Variants in GOLGA3 observed in about 807,000 individuals in gnomAD.
The protein encoded by GOLGA3 is golgin subfamily A member 3.
A neutral mutation model predicts 169.4 loss-of-function variants in GOLGA3; 75 were observed. The ratio of observed to expected loss-of-function variants is 0.44; its 90% CI spans 0.37 to 0.54. The LOEUF is 0.54. Among genes scored for constraint, GOLGA3 ranks in the 20% least tolerant of loss-of-function variants. The pLI, the probability that GOLGA3 is intolerant of heterozygous loss-of-function variation, is 0.00. For missense variants in GOLGA3, 1,899 were observed against 1,930.0 expected (o/e 0.98, Z 0.30); for synonymous variants, 824 against 822.4 (o/e 1.00, Z -0.03).
intron 4 of GOLGA3, among the ~76,000 whole-genome samples, chr12:132,809,071 C>G (rs140553965): frequency 0.013 from 1,913 of 152,308 alleles, 44 homozygotes; most frequent in African/African-American, 0.042. Flanking sequence ...TGAGTCACCT[C>G]CAATGATAGG....
chr12:132,798,853 GAC>G (rs1469539014), intron 8 of GOLGA3, among the ~76,000 whole-genome samples: 1 of 152,216 alleles, frequency 6.6e-6, no homozygotes, highest in Non-Finnish European at 1.5e-5. Flanking sequence ...AATCCAGCCA[GAC>G]ACACACCAGG....
Position 132,789,043 on chromosome 12 carries a change from A to G in GOLGA3, c.2795T>C (p.Met932Thr). The change falls in exon 13 of 24, where the codon ATG (methionine) becomes ACG (threonine). Residue 932 changes from methionine (M) to threonine (T), a missense_variant. Met to Thr is a moderately conservative substitution (Grantham distance 81). Transcript: ENST00000450791. ...CGGACAGACCTGCAAGTGTGTTTCC[A>G]TCTCGTCTCGCTCCTTCTGCGCCGA... ...LQSAQKERDEMETHLQSLQFD... is the reference protein window; with the variant it reads ...LQSAQKERDETETHLQSLQFD... The G allele has an allele frequency of 1.3e-6, 2 of 1,576,900 alleles. No individual in the cohort carries two copies. The highest frequency in any genetic ancestry group is 2.3e-5 in the South Asian group (2 of 86,164).
At position 132,823,532 on chromosome 12, in the gene GOLGA3, T is replaced by A. The variant is rs570311209; in HGVS notation, c.-183-1221A>T. On this transcript the variant is annotated intron_variant, in intron 1 of 23. Coordinates refer to ENST00000450791, the MANE Select transcript of GOLGA3 (RefSeq NM_001389683.1). ...CGGGTGCGGTGGCTCATGCTTGTAA[T>A]CCCAGCACTTTGGGAGGCCAAGGCG... Among the ~76,000 whole-genome samples, 26 of 152,352 alleles carry A rather than the reference T, an allele frequency of 1.7e-4. 1 individual carries two copies. The South Asian group carries it at 3.9e-3, about 23-fold the overall frequency.
intron 15 of GOLGA3, among the ~76,000 whole-genome samples, chr12:132,784,745 A>ATGC (rs1387600580): frequency 6.8e-6 from 1 of 147,364 alleles, no homozygotes; most frequent in African/African-American, 2.5e-5. Context: ...CCACACGCAC[A>ATGC]TGCTCACACC....
chr12:132,801,802 G>A lies in GOLGA3; in HGVS notation c.1765C>T (p.Arg589Cys), dbSNP rs773386388. The change falls in exon 8 of 24, where the codon CGC (arginine) becomes TGC (cysteine). Residue 589 changes from arginine (R) to cysteine (C), a missense_variant. Transcript: ENST00000450791. ...QQQLALAQEA[R>C]VRLQGEMAHI... ...GCCATCTCACCCTGCAGCCTGACGC[G>A]GGCCTCCTGTGCCAGGGCGAGCTGC... 1.3e-5 allele frequency: 21 copies of A among 1,611,432 alleles called. No homozygotes were observed. Among genetic ancestry groups the A allele is most frequent in the East Asian group, 2.2e-5 (1 of 44,888 alleles).
At chr12:132,813,593 G>A (rs966328581) in intron 3 of GOLGA3, among the ~76,000 whole-genome samples, 174 bp from the exon 4 acceptor site, 10 of 152,212 alleles carry the variant, frequency 6.6e-5, no homozygotes, top group South Asian at 4.1e-4. Flanking sequence ...TGTGAGCCCC[G>A]GACACGGACC....
rs1177123289 is a variant in GOLGA3 at position 132,809,416 on chromosome 12, A to G, written c.520-867T>C. Among the ~76,000 whole-genome samples the G allele has an allele frequency of 3.9e-5, 6 of 152,030 alleles. No individual in the cohort carries two copies. The South Asian group carries it at 1.2e-3, about 32-fold the overall frequency. ...TCTCTAAACTCCCCCGGGGAAAGGGAGACACCAACCCCCACCCCCGCCCCC... is the reference window on the plus strand; with the variant it reads ...TCTCTAAACTCCCCCGGGGAAAGGGGGACACCAACCCCCACCCCCGCCCCC... On this transcript the variant is annotated intron_variant, in intron 4 of 23. Transcript: ENST00000450791.
chr12:132,797,345 T>G (rs1458038515), intron 9 of GOLGA3, among the ~76,000 whole-genome samples: 2 of 152,088 alleles, frequency 1.3e-5, no homozygotes, highest in Non-Finnish European at 2.9e-5. Flanking sequence ...AGAACCTCCC[T>G]CCATACACTG....
rs149453876 is a variant in GOLGA3, at chr12:132,810,192, A to G, written c.520-1643T>C. On this transcript the variant is annotated intron_variant, in intron 4 of 23. Coordinates refer to ENST00000450791, the MANE Select transcript of GOLGA3 (RefSeq NM_001389683.1). ...GAACCCAGGAGGTGGAGGTCGTAAT[A>G]AGCCGAGATCATGCCACTGCACTCC... Among the ~76,000 whole-genome samples, 1,298 of 152,296 alleles carry G rather than the reference A, an allele frequency of 8.5e-3. 18 individuals are homozygous for G. The highest frequency in any genetic ancestry group is 0.028 in the African/African-American group (1,150 of 41,556).
At chr12:132,819,109 G>A (rs1027573383) in intron 2 of GOLGA3, among the ~76,000 whole-genome samples, 9 of 150,894 alleles carry the variant, frequency 6.0e-5, no homozygotes, top group Admixed American at 1.3e-4. Context: ...GTCCTCAGGG[G>A]GTTCTGGTCC....
intron 13 of GOLGA3, among the ~76,000 whole-genome samples, chr12:132,787,010 G>C (rs921451466): frequency 1.3e-5 from 2 of 151,954 alleles, no homozygotes; most frequent in Non-Finnish European, 2.9e-5. Context: ...CTGGAGTGCA[G>C]GGGCGTGATC....
chr12:132,774,433 G>A (rs2045104546), intron 22 of GOLGA3, 113 bp from the exon 23 acceptor site: 2 of 1,235,396 alleles, frequency 1.6e-6, no homozygotes, highest in African/African-American at 1.5e-5. Context: ...GGGGCCTCTG[G>A]GAAGGGGACC....
In GOLGA3 at chr12:132,787,458, G is replaced by A. The variant is rs1021142420; in HGVS notation, c.2812-671C>T. On this transcript the variant is annotated intron_variant, in intron 13 of 23. Transcript: ENST00000450791. ...CCTCAAGGATCCAGACCCCTCCTAG[G>A]AAACCCCAGGACCCCTCCCCAAGAG... Among the ~76,000 whole-genome samples the A allele has an allele frequency of 5.5e-5, 8 of 144,722 alleles. 1 individual carries two copies. The highest frequency in any genetic ancestry group is 5.5e-4 in the Admixed American group (8 of 14,532). 94.9% of individuals were successfully genotyped at this position (144,722 alleles called of 152,430 possible).
At chr12:132,780,474 G>C (rs945154325) in intron 18 of GOLGA3, among the ~76,000 whole-genome samples, 1 of 152,180 alleles carries the variant, frequency 6.6e-6, no homozygotes, top group Non-Finnish European at 1.5e-5. Flanking sequence ...CTTATCTGCC[G>C]AACACAAATG....
Position 132,777,628 on chromosome 12 carries a change from C to T in GOLGA3, c.3722+38G>A. The T allele has an allele frequency of 6.2e-7, 1 of 1,610,820 alleles. No homozygotes were observed. Among genetic ancestry groups the T allele is most frequent in the Non-Finnish European group, 8.5e-7 (1 of 1,178,252 alleles). ...AATTAGACCCCGCCCATTGCCAGGA[C>T]AGCCATGTTTGAGGGCTGGCGGGGC... On this transcript the variant is annotated intron_variant, in intron 19 of 23. Coordinates refer to ENST00000450791, the MANE Select transcript of GOLGA3 (RefSeq NM_001389683.1). This position sits in a 1 kb window ranked among gnomAD's most constrained non-coding sequence, Gnocchi z 4.7.
chr12:132,795,909 C>T lies in GOLGA3; in HGVS notation c.2412G>A (p.Glu804=), dbSNP rs762503758. 6.2e-7 allele frequency: 1 copy of T among 1,614,140 alleles called. No homozygotes were observed. Among genetic ancestry groups the T allele is most frequent in the Admixed American group, 1.7e-5 (1 of 60,032 alleles). ...RGARRLEEGT[E]ETSETLEKLR... ...ACTTCTCTAAAGTTTCCGACGTTTC[C>T]TCGGTACCTTCTTCCAAGCGTCTTG... is the stretch of plus-strand genomic sequence containing the variant. Residue 804 remains glutamate, a synonymous_variant, in exon 11 of 24, where the codon GAG becomes GAA. Coordinates refer to ENST00000450791, the MANE Select transcript of GOLGA3 (RefSeq NM_001389683.1).
chr12:132,799,583 GGAGCTAT>G (rs977722251), intron 8 of GOLGA3, among the ~76,000 whole-genome samples: 1 of 152,194 alleles, frequency 6.6e-6, no homozygotes, highest in African/African-American at 2.4e-5. Flanking sequence ...AAGGCTGCAG[GGAGCTAT>G]GATGGTAACA....
Position 132,774,230 on chromosome 12 carries a change from C to T in GOLGA3, c.4234G>A (p.Glu1412Lys). 1 of 1,612,066 alleles carries T rather than the reference C, an allele frequency of 6.2e-7. No individual in the cohort carries two copies. Among genetic ancestry groups the T allele is most frequent in the Non-Finnish European group, 8.5e-7 (1 of 1,179,896 alleles). ...DCPVPASLLE[E>K]LLRPPPAVSK... Reference sequence around the variant, plus strand: ...ACGGCGGGCGGTGGTCTCAGCAGCTCCTCCAGCAGCGAGGCGGGAACTGGG... The same window carrying T: ...ACGGCGGGCGGTGGTCTCAGCAGCTTCTCCAGCAGCGAGGCGGGAACTGGG... Residue 1412 changes from glutamate (E) to lysine (K), a missense_variant, in exon 23 of 24, where the codon GAG (glutamate) becomes AAG (lysine). Coordinates refer to ENST00000450791, the MANE Select transcript of GOLGA3 (RefSeq NM_001389683.1).
chr12:132,777,837 C>G lies in GOLGA3; in HGVS notation c.3583-32G>C, dbSNP rs894180746. 25 of 1,610,536 alleles carry G rather than the reference C, an allele frequency of 1.6e-5. No individual in the cohort carries two copies. Among genetic ancestry groups the G allele is most frequent in the Non-Finnish European group, 2.1e-5 (25 of 1,178,468 alleles). On this transcript the variant is annotated intron_variant, in intron 18 of 23. Coordinates refer to ENST00000450791, the MANE Select transcript of GOLGA3 (RefSeq NM_001389683.1). The surrounding 1 kb of genome is among the most constrained non-coding windows in gnomAD (Gnocchi z 4.7). Reference sequence around the variant, plus strand: ...GGAAGGAAGCCACGTTGTCCATGCCCTGCGTGACACCCACAGCTTTATGAC... The same window carrying G: ...GGAAGGAAGCCACGTTGTCCATGCCGTGCGTGACACCCACAGCTTTATGAC...
Sources: gnomAD v4.1 joint callset for allele counts (sites outside exome capture counted in the v4.1 genomes callset) on GRCh38, gnomAD v4.1.1 for gene constraint, Gnocchi (gnomAD v3.1) non-coding constraint, MANE v1.5 for transcripts, NCBI Gene and HGNC (gene_info 2026-07-23, HGNC 2026-07-21) for gene names.